STAG2: variants seen among roughly 807,000 people sequenced by gnomAD.
The protein encoded by STAG2 is STAG2 cohesin complex component, also known as cohesin subunit SA-2.
A neutral mutation model predicts 108.1 loss-of-function variants in STAG2; 14 were observed. The ratio of observed to expected loss-of-function variants is 0.13; its 90% CI spans 0.09 to 0.20. The LOEUF (loss-of-function observed/expected upper bound fraction) is 0.20, where lower values mean the gene tolerates loss of function less well. Among genes scored for constraint, STAG2 ranks in the 10% least tolerant of loss-of-function variants. The pLI, the probability that STAG2 is intolerant of heterozygous loss-of-function variation, is 1.00. For missense variants in STAG2, 440 were observed against 940.9 expected (o/e 0.47, Z 6.96); for synonymous variants, 307 against 302.7 (o/e 1.01, Z -0.15).
At chrX:123,970,562 G>A (rs550864894) in intron 1 of STAG2, among the ~76,000 whole-genome samples, 2 of 111,795 alleles carry the variant, frequency 1.8e-5, no homozygotes, top group Admixed American at 1.9e-4. Flanking sequence ...ATTAAAATTC[G>A]TGATACAATG....
chrX:123,980,178 G>T, intron 1 of STAG2, among the ~76,000 whole-genome samples: 1 of 111,696 alleles, frequency 9.0e-6, no homozygotes, highest in Admixed American at 9.6e-5. Flanking sequence ...TTGGATTTTA[G>T]ATACTTCAAC....
intron 1 of STAG2, among the ~76,000 whole-genome samples, chrX:124,001,211 C>T (rs1489061020): frequency 9.0e-6 from 1 of 111,029 alleles, no homozygotes; most frequent in Non-Finnish European, 1.9e-5. Context: ...CTGCCTCAGC[C>T]TCCCGAGTAG....
intron 1 of STAG2, among the ~76,000 whole-genome samples, chrX:124,009,434 G>GATA (rs747602991): frequency 0.25 from 20,906 of 82,918 alleles, 3,165 homozygotes; most frequent in Admixed American, 0.35. Flanking sequence ...TAGGTAGGTA[G>GATA]GTAGGTAGGT....
chrX:123,988,231 A>T (rs1235412932), intron 1 of STAG2, among the ~76,000 whole-genome samples: 1 of 111,398 alleles, frequency 9.0e-6, no homozygotes, highest in Non-Finnish European at 1.9e-5. Flanking sequence ...ACTTTGGGGG[A>T]ATTTTAATAG....
intron 5 of STAG2, 45 bp downstream of exon 5, chrX:124,031,170 C>T: frequency 8.7e-7 from 1 of 1,153,413 alleles, no homozygotes; most frequent in South Asian, 2.0e-5. Flanking sequence ...ACATTTTAAA[C>T]TTTAATGAGT....
At chrX:124,014,475 C>T (rs939096572) in intron 1 of STAG2, among the ~76,000 whole-genome samples, 2 of 110,748 alleles carry the variant, frequency 1.8e-5, no homozygotes, top group Non-Finnish European at 3.8e-5. Flanking sequence ...ATTCTCATGC[C>T]TCAGCCTCTG....
chrX:124,095,193 C>T (rs776220756), intron 33 of STAG2, among the ~76,000 whole-genome samples, 179 bp from the exon 34 acceptor site: 2 of 112,372 alleles, frequency 1.8e-5, no homozygotes, highest in East Asian at 2.8e-4. Flanking sequence ...TCCCAAAGTG[C>T]TGGGATTACA....
chrX:123,961,507 G>A (rs2053853219), upstream of STAG2: 1 of 110,134 alleles, frequency 9.1e-6, no homozygotes, highest in Non-Finnish European at 1.9e-5. Context: ...GGAGAGCGCG[G>A]TGTCGCGGTG....
At chrX:124,068,481 T>A in intron 23 of STAG2, 83 bp from the exon 24 acceptor site, 1 of 588,573 alleles carries the variant, frequency 1.7e-6, no homozygotes. Context: ...TGAGATAATG[T>A]TTTACATAAT....
At chrX:124,084,546 G>C (rs1164680082) in intron 29 of STAG2, among the ~76,000 whole-genome samples, 1 of 110,670 alleles carries the variant, frequency 9.0e-6, no homozygotes, top group Non-Finnish European at 1.9e-5. Flanking sequence ...TCAAACTCGT[G>C]ACCTCAGGTG....
At chrX:123,998,612 ATC>A (rs2055874816) in intron 1 of STAG2, among the ~76,000 whole-genome samples, 3 of 106,474 alleles carry the variant, frequency 2.8e-5, no homozygotes, top group African/African-American at 1.0e-4. Flanking sequence ...CTATCTATCT[ATC>A]TATCTATCTA....
At chrX:124,084,469 C>T (rs1271520228) in intron 29 of STAG2, among the ~76,000 whole-genome samples, 3 of 110,631 alleles carry the variant, frequency 2.7e-5, no homozygotes, top group Non-Finnish European at 5.7e-5. Flanking sequence ...CAGGCGTGCA[C>T]CACCATGCCC....
intron 32 of STAG2, among the ~76,000 whole-genome samples, chrX:124,091,483 A>G (rs923488904): frequency 3.6e-5 from 4 of 112,373 alleles, no homozygotes; most frequent in African/African-American, 1.3e-4. Context: ...CCTGCTGGAT[A>G]AACTCCCAAC....
chrX:124,092,448 A>G (rs181679131), intron 32 of STAG2, among the ~76,000 whole-genome samples: 123 of 111,909 alleles, frequency 1.1e-3, no homozygotes, highest in Non-Finnish European at 7.9e-4. Flanking sequence ...CTGCCATGCA[A>G]TCATTTGGTC....
intron 29 of STAG2, among the ~76,000 whole-genome samples, chrX:124,084,977 AC>A (rs1237309032): frequency 8.9e-6 from 1 of 111,763 alleles, no homozygotes; most frequent in East Asian, 2.8e-4. Flanking sequence ...ATAAGTAGAT[AC>A]CCCACAGAAA....
rs2054449001 is a variant in STAG2 at position 123,973,182 on chromosome X, A to T, written c.-163+11326A>T. Reference sequence around the variant, plus strand: ...TGTGAACCCTCTCAAATTATGTACAAACTGTATACATGCATTTCATCAGTT... The same window carrying T: ...TGTGAACCCTCTCAAATTATGTACATACTGTATACATGCATTTCATCAGTT... On this transcript the variant is annotated intron_variant, in intron 1 of 34. Transcript: ENST00000371145. Among the ~76,000 whole-genome samples the T allele has an allele frequency of 2.7e-5, 3 of 111,598 alleles. No individual in the cohort carries two copies. The South Asian group carries it at 1.1e-3, about 42-fold the overall frequency.
At chrX:124,051,613 C>T (rs922334387) in intron 13 of STAG2, among the ~76,000 whole-genome samples, 14 of 106,860 alleles carry the variant, frequency 1.3e-4, no homozygotes, top group Admixed American at 1.0e-4. Flanking sequence ...TTTTCTGAGA[C>T]GGAGTCTCAC....
intron 1 of STAG2, among the ~76,000 whole-genome samples, chrX:124,014,878 T>C (rs935399719): frequency 9.1e-6 from 1 of 109,959 alleles, no homozygotes; most frequent in Non-Finnish European, 1.9e-5. Context: ...GAATGATATA[T>C]GTGGTAGCTG....
intron 7 of STAG2, 77 bp from the exon 8 acceptor site, chrX:124,045,087 C>A: frequency 5.8e-6 from 5 of 865,117 alleles, no homozygotes; most frequent in Non-Finnish European, 8.5e-6. Context: ...ATGCTTTTGT[C>A]TAGGGTATTT....
Sources: gnomAD v4.1 joint callset for allele counts (sites outside exome capture counted in the v4.1 genomes callset) on GRCh38, gnomAD v4.1.1 for gene constraint, MANE v1.5 for transcripts, NCBI Gene and HGNC (gene_info 2026-07-23, HGNC 2026-07-21) for gene names.